The following NPAS3 variants were observed in gnomAD, a reference collection of about 807,000 sequenced individuals.
The protein encoded by NPAS3 is neuronal PAS domain-containing protein 3.
NPAS3 carries 14 observed loss-of-function variants against 73.1 expected under a neutral mutation model. The observed-to-expected ratio is 0.19, with a 90% confidence interval of 0.13 to 0.30. The LOEUF is 0.30. Ranked by LOEUF, NPAS3 falls within the 10% of genes least tolerant of loss-of-function variation. The probability of loss-of-function intolerance (pLI) is 1.00; values close to 1 mark genes in which losing one functional copy is unlikely to be tolerated. For missense variants in NPAS3, 1,096 were observed against 1,250.0 expected, an observed-to-expected ratio of 0.88 and a Z score of 1.86; for synonymous variants, 620 against 541.5, an observed-to-expected ratio of 1.14 and a Z score of -2.01.
chr14:33,340,691 C>A (rs1043523035), intron 3 of NPAS3, among the ~76,000 whole-genome samples: 2 of 152,160 alleles, frequency 1.3e-5, no homozygotes, highest in African/African-American at 4.8e-5. Context: ...AAAACACAGC[C>A]TTCCCCGATC....
chr14:33,502,596 G>A lies in NPAS3; in HGVS notation c.469-57525G>A, dbSNP rs569882160. 4.6e-5 allele frequency among the ~76,000 whole-genome samples: 7 copies of A among 151,774 alleles called. No individual in the cohort carries two copies. The South Asian group carries it at 8.4e-4, about 18-fold the overall frequency. ...TAGAGAACTTCCTCCAAATAGGTTC[G>A]TTTCTACACCTCTGCTTACCCCTGT... On this transcript the variant is annotated intron_variant, in intron 4 of 11. Coordinates refer to ENST00000356141, the Ensembl canonical transcript of NPAS3.
intron 3 of NPAS3, among the ~76,000 whole-genome samples, chr14:33,274,822 C>T (rs243313): frequency 0.19 from 28,135 of 152,050 alleles, 2,827 homozygotes; most frequent in South Asian, 0.34. Flanking sequence ...AGTGCCTCCC[C>T]GTAAGGAAAT....
chr14:33,597,265 G>A (rs1421397600), intron 5 of NPAS3, among the ~76,000 whole-genome samples: 2 of 152,172 alleles, frequency 1.3e-5, no homozygotes, highest in Non-Finnish European at 2.9e-5. Context: ...TTGGAGCACT[G>A]TAGCTTCCCC....
At chr14:33,162,533 A>C (rs2044935793) in intron 2 of NPAS3, among the ~76,000 whole-genome samples, 1 of 152,224 alleles carries the variant, frequency 6.6e-6, no homozygotes. Flanking sequence ...TGGAATTAGC[A>C]TCTATAAATG....
chr14:33,698,874 A>T (rs1368842144), intron 6 of NPAS3, among the ~76,000 whole-genome samples: 1 of 152,240 alleles, frequency 6.6e-6, no homozygotes, highest in African/African-American at 2.4e-5. Context: ...GCTGCCATTT[A>T]AAAGAATGCT....
chr14:33,692,762 T>C (rs892163072), intron 6 of NPAS3, among the ~76,000 whole-genome samples: 1 of 148,724 alleles, frequency 6.7e-6, no homozygotes, highest in African/African-American at 2.5e-5. Context: ...TGTGTGAGAC[T>C]ATCAGTTTTT....
chr14:32,984,179 A>G (rs1056236276), intron 1 of NPAS3, among the ~76,000 whole-genome samples: 1 of 152,016 alleles, frequency 6.6e-6, no homozygotes, highest in African/African-American at 2.4e-5. Flanking sequence ...TTTAGATGCA[A>G]CCCTGACCTG....
intron 3 of NPAS3, among the ~76,000 whole-genome samples, chr14:33,317,270 A>G (rs1353629198): frequency 6.6e-6 from 1 of 152,090 alleles, no homozygotes; most frequent in African/African-American, 2.4e-5. Flanking sequence ...CAGAGCACAT[A>G]TACCCTCTAT....
At chr14:33,209,717 T>G (rs1434036258) in intron 2 of NPAS3, among the ~76,000 whole-genome samples, 1 of 152,208 alleles carries the variant, frequency 6.6e-6, no homozygotes, top group Non-Finnish European at 1.5e-5. Context: ...AACCTGTCTG[T>G]CTGGCTCCTT....
At chr14:33,359,700 A>G (rs1266846699) in intron 3 of NPAS3, among the ~76,000 whole-genome samples, 1 of 152,188 alleles carries the variant, frequency 6.6e-6, no homozygotes, top group Non-Finnish European at 1.5e-5. Context: ...AGGGAAGATA[A>G]TTTCTACCAA....
intron 2 of NPAS3, among the ~76,000 whole-genome samples, chr14:33,165,352 CATT>C (rs2045090319): frequency 6.6e-6 from 1 of 151,370 alleles, no homozygotes; most frequent in South Asian, 2.1e-4. Context: ...CTCGTATTAT[CATT>C]ATTCTGATGC....
At chr14:33,480,525 C>T (rs1162047870) in intron 4 of NPAS3, among the ~76,000 whole-genome samples, 10 of 107,182 alleles carry the variant, frequency 9.3e-5, no homozygotes, top group African/African-American at 3.8e-4. Context: ...CCCCCACTCT[C>T]CCCCTCCCCG....
intron 1 of NPAS3, among the ~76,000 whole-genome samples, chr14:32,998,223 G>A (rs932731028): frequency 6.6e-6 from 1 of 152,206 alleles, no homozygotes; most frequent in African/African-American, 2.4e-5. Flanking sequence ...ACTGATACAT[G>A]TACCAGTGTG....
rs76534531 is a variant in NPAS3 at position 33,460,613 on chromosome 14, C to T, written c.468+93345C>T. Among the ~76,000 whole-genome samples the T allele has an allele frequency of 9.7e-4, 148 of 152,252 alleles. 2 individuals carry two copies. The East Asian group carries it at 0.018, about 19-fold the overall frequency. Reference sequence around the variant, plus strand: ...TCATGATGATTTTATTGAATAATCACGTATATTTTCGGCGTACCCTACTGC... The same window carrying T: ...TCATGATGATTTTATTGAATAATCATGTATATTTTCGGCGTACCCTACTGC... On this transcript the variant is annotated intron_variant, in intron 4 of 11. Transcript: ENST00000356141.
chr14:33,349,198 G>A (rs1225031390), intron 3 of NPAS3, among the ~76,000 whole-genome samples: 1 of 152,192 alleles, frequency 6.6e-6, no homozygotes, highest in African/African-American at 2.4e-5. Flanking sequence ...ACTTGAATGT[G>A]TTGGTAGGAA....
At chr14:33,078,489 T>A (rs10148031) in intron 2 of NPAS3, among the ~76,000 whole-genome samples, 108,478 of 150,594 alleles carry the variant, frequency 0.72, 39,603 homozygotes, top group Admixed American at 0.82. Context: ...ATCAATTAGA[T>A]TTGTTTGGTA....
intron 3 of NPAS3, among the ~76,000 whole-genome samples, chr14:33,274,481 G>A (rs2041238845): frequency 6.6e-6 from 1 of 151,978 alleles, no homozygotes; most frequent in Non-Finnish European, 1.5e-5. Context: ...TATCTAGCTG[G>A]CTTCCAAGTC....
intron 5 of NPAS3, chr14:33,612,601 C>CT (rs1259409474): frequency 2.3e-6 from 1 of 429,610 alleles, no homozygotes; most frequent in Admixed American, 2.4e-5. Flanking sequence ...CTTTGTATGC[C>CT]TTTTGTAGGT....
intron 4 of NPAS3, among the ~76,000 whole-genome samples, chr14:33,498,600 CA>C (rs1284432281): frequency 2.0e-5 from 3 of 152,000 alleles, no homozygotes; most frequent in Non-Finnish European, 4.4e-5. Flanking sequence ...AACAAAAAAC[CA>C]AACACCGCAT....
Sources: allele counts gnomAD v4.1 joint callset (sites outside exome capture counted in the v4.1 genomes callset), GRCh38; gene constraint gnomAD v4.1.1; transcripts MANE v1.5; gene names NCBI Gene and HGNC (gene_info 2026-07-23, HGNC 2026-07-21).